The following RAB11FIP5 variants were observed in gnomAD, a reference collection of about 807,000 sequenced individuals.
The protein encoded by RAB11FIP5 is RAB11 family interacting protein 5.
In RAB11FIP5, 48 loss-of-function variants were observed where a neutral mutation model predicts 85.1. The ratio of observed to expected loss-of-function variants is 0.56; its 90% CI spans 0.45 to 0.72. The LOEUF (loss-of-function observed/expected upper bound fraction) is 0.72, where lower values mean the gene tolerates loss of function less well. Ranked by LOEUF, RAB11FIP5 falls within the 30% of genes least tolerant of loss-of-function variation. The probability of loss-of-function intolerance (pLI) is 0.00; values close to 1 mark genes in which losing one functional copy is unlikely to be tolerated. For missense variants in RAB11FIP5, 1,491 were observed against 1,687.0 expected (o/e 0.88, Z 2.04); for synonymous variants, 729 against 727.3 (o/e 1.00, Z -0.04).
rs1353803651 is a variant in RAB11FIP5, at chr2:73,086,969, A to AC, written c.1568+1080_1568+1081insG. On this transcript the variant is annotated intron_variant, in intron 3 of 5. Transcript: ENST00000486777. This position sits in a 1 kb window ranked among gnomAD's most constrained non-coding sequence, Gnocchi z 4.4. ...TCTCTCCACTCCTCTCAACAGACTC[A>AC]GAGTGCCACAGGGAAACAAAAAGCC... 2.0e-5 allele frequency among the ~76,000 whole-genome samples: 3 copies of AC among 152,200 alleles called. No homozygotes were observed. The highest frequency in any genetic ancestry group is 4.4e-5 in the Non-Finnish European group (3 of 68,032).
chr2:73,089,190 G>T lies in RAB11FIP5; in HGVS notation c.557C>A (p.Pro186Gln). ...SMFDLSMKDK[P>Q]RSPFSKIRDK... Reference sequence around the variant, plus strand: ...CCTGATCTTGCTGAAGGGAGACCTTGGCTTGTCCTTCATGGACAGGTCAAA... The same window carrying T: ...CCTGATCTTGCTGAAGGGAGACCTTTGCTTGTCCTTCATGGACAGGTCAAA... The change falls in exon 2 of 6, where the codon CCA becomes CAA. Residue 186 changes from proline to glutamine, a missense_variant. Coordinates refer to ENST00000486777, the MANE Select transcript of RAB11FIP5 (RefSeq NM_001371272.1). This position sits in a 1 kb window ranked among gnomAD's most constrained non-coding sequence, Gnocchi z 4.6. 2 of 1,614,210 alleles carry T rather than the reference G, an allele frequency of 1.2e-6. No individual in the cohort carries two copies. Among genetic ancestry groups the T allele is most frequent in the Admixed American group, 1.7e-5 (1 of 60,030 alleles).
At chr2:73,105,494 C>T (rs190021963) in intron 1 of RAB11FIP5, among the ~76,000 whole-genome samples, 14 of 152,176 alleles carry the variant, frequency 9.2e-5, no homozygotes, top group Admixed American at 3.9e-4. Flanking sequence ...CCTCCTGACG[C>T]GGCCTCCCAA....
In RAB11FIP5 at chr2:73,080,590, G is replaced by C. The variant is rs953651424; in HGVS notation, c.2642C>G (p.Pro881Arg). 12 of 1,232,266 alleles carry C rather than the reference G, an allele frequency of 9.7e-6. No homozygotes were observed. The East Asian group carries it at 3.8e-4, about 39-fold the overall frequency. The allele number at this position is 1,232,266 out of a possible 1,614,324, so 76.3% of individuals were successfully genotyped here. ...SPKGSEGLPP[P>R]EPEPKPEWVS... ...CCACTCGGGTTTAGGCTCGGGCTCC[G>C]GTGGGGGAAGCCCCTCGCTCCCCTT... is the stretch of plus-strand genomic sequence containing the variant. The change falls in exon 4 of 6, where the codon CCG becomes CGG. Residue 881 changes from proline to arginine, a missense_variant. Around this residue, in one of 3 missense-constraint regions of RAB11FIP5, gnomAD observed 1,211 missense variants for 1,338.0 expected, o/e 0.91. Coordinates refer to ENST00000486777, the MANE Select transcript of RAB11FIP5 (RefSeq NM_001371272.1).
chr2:73,102,988 T>G (rs771237689), intron 1 of RAB11FIP5, among the ~76,000 whole-genome samples: 3 of 152,174 alleles, frequency 2.0e-5, no homozygotes, highest in Admixed American at 6.5e-5. Context: ...CCCTTTTCCC[T>G]AGAGCCTCCT....
At position 73,075,802 on chromosome 2, in the gene RAB11FIP5, C is replaced by T; in HGVS notation, c.3772-78G>A. On this transcript the variant is annotated intron_variant, in intron 5 of 5. Transcript: ENST00000486777. The surrounding 1 kb of genome is among the most constrained non-coding windows in gnomAD (Gnocchi z 4.6). Reference sequence around the variant, plus strand: ...CCTGCCCGCTTGCCCGCCCGCCCGCCTGCCCACCAACACCTAAGTTTCACC... The same window carrying T: ...CCTGCCCGCTTGCCCGCCCGCCCGCTTGCCCACCAACACCTAAGTTTCACC... The T allele has an allele frequency of 2.7e-6, 4 of 1,504,704 alleles. No individual in the cohort carries two copies. The East Asian group carries it at 9.2e-5, about 35-fold the overall frequency. 93.2% of individuals were successfully genotyped at this position (1,504,704 alleles called of 1,614,324 possible). A position where few individuals can be genotyped will look rare whatever the true frequency, so the allele number is the denominator to read the frequency against.
intron 3 of RAB11FIP5, among the ~76,000 whole-genome samples, chr2:73,082,687 C>T (rs951625341): frequency 5.3e-5 from 8 of 152,164 alleles, no homozygotes; most frequent in East Asian, 3.9e-4. Context: ...ACTCTGGGGA[C>T]GGGGACAGGG....
intron 1 of RAB11FIP5, among the ~76,000 whole-genome samples, chr2:73,091,181 G>T (rs186894552): frequency 6.6e-6 from 1 of 152,160 alleles, no homozygotes; most frequent in Non-Finnish European, 1.5e-5. Context: ...AGTATGCAGC[G>T]CAATGAACTA....
chr2:73,108,394 G>A (rs1345381359), intron 1 of RAB11FIP5, among the ~76,000 whole-genome samples: 3 of 152,288 alleles, frequency 2.0e-5, no homozygotes, highest in Middle Eastern at 6.8e-3. Flanking sequence ...CAGGATGAGG[G>A]AGAAGGTGGA....
In RAB11FIP5 at chr2:73,080,827, G is replaced by A. The variant is rs566137489; in HGVS notation, c.2405C>T (p.Pro802Leu). Residue 802 changes from proline (P) to leucine (L), a missense_variant, in exon 4 of 6, where the codon CCG (proline) becomes CTG (leucine). By Grantham distance (98) the Pro-to-Leu change is moderately conservative. This residue lies in a region of RAB11FIP5 where 1,211 missense variants were observed against 1,338.0 expected (regional missense o/e 0.91). Coordinates refer to ENST00000486777, the MANE Select transcript of RAB11FIP5 (RefSeq NM_001371272.1). ...GCCCTCAGCAGCGCTCTCTGGGCCC[G>A]GCAGCCTCTCCCACACACTGATCAC... ...PEVISVWERL[P>L]GPESAAEGQD... The A allele has an allele frequency of 4.1e-5, 50 of 1,232,366 alleles. 1 individual carries two copies. Among genetic ancestry groups the A allele is most frequent in the South Asian group, 2.1e-4 (5 of 24,312 alleles). 76.3% of individuals were successfully genotyped at this position (1,232,366 alleles called of 1,614,324 possible). A position where few individuals can be genotyped will look rare whatever the true frequency, so the allele number is the denominator to read the frequency against.
At position 73,112,446 on chromosome 2, in the gene RAB11FIP5, G is replaced by C. The variant is rs1231212287; in HGVS notation, c.332C>G (p.Thr111Ser). Residue 111 changes from threonine to serine, a missense_variant, in exon 1 of 6, where the codon ACC (threonine) becomes AGC (serine). Around this residue, in one of 3 missense-constraint regions of RAB11FIP5, gnomAD observed 1,211 missense variants for 1,338.0 expected, o/e 0.91. Transcript: ENST00000486777. ...SSAAACELVL[T>S]TMHRSLIGVD... The stretch of plus-strand genomic sequence containing the variant: ...GCCGATGAGCGAGCGGTGCATGGTG[G>C]TGAGCACCAGCTCGCAGGCGGCGGC... 6.5e-7 allele frequency: 1 copy of C among 1,546,164 alleles called. No homozygotes were observed. The highest frequency in any genetic ancestry group is 8.7e-7 in the Non-Finnish European group (1 of 1,154,992).
At chr2:73,083,943 C>T (rs1383476102) in intron 3 of RAB11FIP5, among the ~76,000 whole-genome samples, 1 of 152,246 alleles carries the variant, frequency 6.6e-6, no homozygotes, top group African/African-American at 2.4e-5. Context: ...AAGCACTACG[C>T]TTAACTCTGC....
rs1683845756 is a variant in RAB11FIP5, at chr2:73,075,767, T to G, written c.3772-43A>C. ...ACAGTGAGCAGGGCAGCCCTAGGCCTGCCTGCCTGCCTGCCCGCTTGCCCG... is the reference window on the plus strand; with the variant it reads ...ACAGTGAGCAGGGCAGCCCTAGGCCGGCCTGCCTGCCTGCCCGCTTGCCCG... On this transcript the variant is annotated intron_variant, in intron 5 of 5. Transcript: ENST00000486777. The surrounding 1 kb of genome is among the most constrained non-coding windows in gnomAD (Gnocchi z 4.6). The G allele has an allele frequency of 2.0e-6, 3 of 1,512,802 alleles. No homozygotes were observed. The highest frequency in any genetic ancestry group is 2.7e-6 in the Non-Finnish European group (3 of 1,122,566). 93.7% of individuals were successfully genotyped at this position (1,512,802 alleles called of 1,614,324 possible).
rs370213624 is a variant in RAB11FIP5 at position 73,079,177 on chromosome 2, C to T, written c.3581+474G>A. On this transcript the variant is annotated intron_variant, in intron 4 of 5. Coordinates refer to ENST00000486777, the MANE Select transcript of RAB11FIP5 (RefSeq NM_001371272.1). ...CTGCCTTCCCCAGCCTGCACCCTCACTCTAGCAGAATAGGAAACTGCTCAA... is the reference window on the plus strand; with the variant it reads ...CTGCCTTCCCCAGCCTGCACCCTCATTCTAGCAGAATAGGAAACTGCTCAA... Among the ~76,000 whole-genome samples, 30 of 152,314 alleles carry T rather than the reference C, an allele frequency of 2.0e-4. No individual in the cohort carries two copies. The East Asian group carries it at 5.0e-3, about 25-fold the overall frequency.
Position 73,088,306 on chromosome 2 carries a change from T to G in RAB11FIP5, c.1312A>C (p.Thr438Pro), listed in dbSNP as rs749873719. ...GCCTCAGAGGAGGCCACTATGGGTG[T>G]GGCAACCTGGACTGGCTTGCCCTCT... is the stretch of plus-strand genomic sequence containing the variant. ...LPEGKPVQVA[T>P]PIVASSEAVA... Residue 438 changes from threonine to proline, a missense_variant, in exon 3 of 6, where the codon ACA (threonine) becomes CCA (proline). Physicochemically the swap from Thr to Pro is conservative, Grantham distance 38. Around this residue, in one of 3 missense-constraint regions of RAB11FIP5, gnomAD observed 1,211 missense variants for 1,338.0 expected, o/e 0.91. Coordinates refer to ENST00000486777, the MANE Select transcript of RAB11FIP5 (RefSeq NM_001371272.1). The G allele has an allele frequency of 1.2e-6, 2 of 1,613,894 alleles. No homozygotes were observed. Among genetic ancestry groups the G allele is most frequent in the Non-Finnish European group, 1.7e-6 (2 of 1,179,992 alleles).
Position 73,112,488 on chromosome 2 carries a change from G to T in RAB11FIP5, c.290C>A (p.Pro97His). The T allele has an allele frequency of 6.7e-7, 1 of 1,487,056 alleles. No homozygotes were observed. 92.1% of individuals were successfully genotyped at this position (1,487,056 alleles called of 1,614,324 possible). The change falls in exon 1 of 6, where the codon CCC becomes CAC. Residue 97 changes from proline to histidine, a missense_variant. Around this residue, in one of 3 missense-constraint regions of RAB11FIP5, gnomAD observed 1,211 missense variants for 1,338.0 expected, o/e 0.91. Coordinates refer to ENST00000486777, the MANE Select transcript of RAB11FIP5 (RefSeq NM_001371272.1). Reference sequence around the variant, plus strand: ...GGCGGCGGCGGAGCTCGCGGCCCAGGGCGCCGGGCCCGCGTCGGCCTCCTG... The same window carrying T: ...GGCGGCGGCGGAGCTCGCGGCCCAGTGCGCCGGGCCCGCGTCGGCCTCCTG... Reference protein sequence around the residue: ...RAQEADAGPAPWAASSAAACE... With the variant: ...RAQEADAGPAHWAASSAAACE...
chr2:73,097,221 G>C (rs1191689656), intron 1 of RAB11FIP5, among the ~76,000 whole-genome samples: 1 of 152,084 alleles, frequency 6.6e-6, no homozygotes, highest in East Asian at 1.9e-4. Context: ...ATTTTTAGTA[G>C]AGACGGGGTT....
chr2:73,107,977 C>G (rs1684564462), intron 1 of RAB11FIP5, among the ~76,000 whole-genome samples: 1 of 152,208 alleles, frequency 6.6e-6, no homozygotes, highest in Admixed American at 6.5e-5. Context: ...TAGATGGAAG[C>G]CCTCAAAGAC....
intron 1 of RAB11FIP5, among the ~76,000 whole-genome samples, chr2:73,103,529 G>C (rs965587002): frequency 6.6e-6 from 1 of 151,950 alleles, no homozygotes; most frequent in African/African-American, 2.4e-5. Context: ...AAAGCATCAG[G>C]CTTAGACATC....
At chr2:73,105,626 A>G (rs1407191052) in intron 1 of RAB11FIP5, among the ~76,000 whole-genome samples, 1 of 152,038 alleles carries the variant, frequency 6.6e-6, no homozygotes, top group South Asian at 2.1e-4. Context: ...TGGGACAGAC[A>G]TAAGGCTAGA....
Sources: allele counts gnomAD v4.1 joint callset (sites outside exome capture counted in the v4.1 genomes callset), GRCh38; gene constraint gnomAD v4.1.1; regional missense constraint gnomAD v4.1.1; non-coding constraint Gnocchi (gnomAD v3.1); transcripts MANE v1.5; gene names NCBI Gene and HGNC (gene_info 2026-07-23, HGNC 2026-07-21).